The following BACH2 variants were observed in gnomAD, a reference collection of about 807,000 sequenced individuals.
The protein encoded by BACH2 is BACH transcriptional regulator 2.
A neutral mutation model predicts 61.8 loss-of-function variants in BACH2; 5 were observed. The ratio of observed to expected loss-of-function variants is 0.08; its 90% confidence interval spans 0.04 to 0.17. The LOEUF is 0.17. Ranked by LOEUF, BACH2 falls within the 10% of genes least tolerant of loss-of-function variation. BACH2 has a pLI of 1.00. For missense variants in BACH2, 824 were observed against 1,091.1 expected, an observed-to-expected ratio of 0.76 and a Z score of 3.45; for synonymous variants, 446 against 440.1, an observed-to-expected ratio of 1.01 and a Z score of -0.17.
chr6:90,174,914 TA>T (rs1286045664), intron 4 of BACH2, among the ~76,000 whole-genome samples: 3,263 of 128,794 alleles, frequency 0.025, 102 homozygotes, highest in African/African-American at 0.08. Flanking sequence ...GTAGTAAAAC[TA>T]AAAAAAAAAA....
rs542374297 is a variant in BACH2, at chr6:90,273,221, G to C, written c.-445-1280C>G. On this transcript the variant is annotated intron_variant, in intron 1 of 8. Transcript: ENST00000257749. ...TGGGGAAAAAAAATTAGCCAGGCATGGTGGCACACACCTGTAGTCCTGGCT... is the reference window on the plus strand; with the variant it reads ...TGGGGAAAAAAAATTAGCCAGGCATCGTGGCACACACCTGTAGTCCTGGCT... 1.5e-3 allele frequency among the ~76,000 whole-genome samples: 231 copies of C among 152,100 alleles called. 2 individuals are homozygous for C. The highest frequency in any genetic ancestry group is 5.4e-3 in the African/African-American group (225 of 41,482).
Position 90,032,436 on chromosome 6 carries a change from G to A in BACH2, c.-12-23580C>T, listed in dbSNP as rs1242718037. On this transcript the variant is annotated intron_variant, in intron 5 of 8. Transcript: ENST00000257749. Reference sequence around the variant, plus strand: ...GAACAGGCAACCTACAGAATTGGAGGAAATTTTTGTAATCTACTCATCTGA... The same window carrying A: ...GAACAGGCAACCTACAGAATTGGAGAAAATTTTTGTAATCTACTCATCTGA... 1.7e-3 allele frequency among the ~76,000 whole-genome samples: 166 copies of A among 95,996 alleles called. 1 individual carries two copies. The highest frequency in any genetic ancestry group is 5.8e-3 in the East Asian group (6 of 1,042). 63.0% of individuals were successfully genotyped at this position (95,996 alleles called of 152,430 possible).
At chr6:90,285,405 G>A (rs1015816027) in intron 1 of BACH2, among the ~76,000 whole-genome samples, 2 of 152,112 alleles carry the variant, frequency 1.3e-5, no homozygotes, top group East Asian at 1.9e-4. Context: ...TTTCAGTTAC[G>A]CCAAGAAAGC....
chr6:90,141,556 A>G (rs927348808), intron 4 of BACH2, among the ~76,000 whole-genome samples: 21 of 151,590 alleles, frequency 1.4e-4, no homozygotes, highest in Non-Finnish European at 2.9e-5. Flanking sequence ...AGGTAGCCTC[A>G]ATAAATGATC....
intron 5 of BACH2, among the ~76,000 whole-genome samples, chr6:90,079,283 C>T (rs1037857355): frequency 9.2e-5 from 14 of 152,172 alleles, no homozygotes; most frequent in African/African-American, 3.4e-4. Flanking sequence ...CCTTCTCCCT[C>T]CTCCAACCAA....
chr6:89,973,546 AC>A (rs1283021149), intron 6 of BACH2, among the ~76,000 whole-genome samples: 1 of 152,102 alleles, frequency 6.6e-6, no homozygotes, highest in African/African-American at 2.4e-5. Context: ...TCTTTTAAGG[AC>A]CCTTGTAATC....
intron 5 of BACH2, among the ~76,000 whole-genome samples, chr6:90,070,989 T>C (rs984368108): frequency 5.3e-5 from 8 of 152,164 alleles, no homozygotes; most frequent in African/African-American, 1.7e-4. Flanking sequence ...GTTTTTTGTT[T>C]GTTTTTTTGG....
At chr6:90,024,834 C>T (rs1778552197) in intron 5 of BACH2, among the ~76,000 whole-genome samples, 1 of 152,178 alleles carries the variant, frequency 6.6e-6, no homozygotes, top group South Asian at 2.1e-4. Context: ...TCAACTTTCA[C>T]ACATTAATGG....
At position 90,055,505 on chromosome 6, in the gene BACH2, C is replaced by T. The variant is rs1352245369; in HGVS notation, c.-13+33456G>A. 2.0e-5 allele frequency among the ~76,000 whole-genome samples: 3 copies of T among 152,214 alleles called. No individual in the cohort carries two copies. In the South Asian group the frequency reaches 6.2e-4, roughly 32 times the overall value. ...ACCAAATGTACATCTGACTGGTATA[C>T]CTGAAAGTGACGGGGAGAATGGAAC... On this transcript the variant is annotated intron_variant, in intron 5 of 8. Transcript: ENST00000257749.
rs76717268 is a variant in BACH2 at position 90,078,258 on chromosome 6, C to T, written c.-13+10703G>A. Among the ~76,000 whole-genome samples, 895 of 152,156 alleles carry T rather than the reference C, an allele frequency of 5.9e-3. 47 individuals carry two copies. The East Asian group carries it at 0.13, about 22-fold the overall frequency. ...ACAACATTAGCACTCTCTTTCATAA[C>T]GTACACCAGCAGGTACTACAATTAA... On this transcript the variant is annotated intron_variant, in intron 5 of 8. Coordinates refer to ENST00000257749, the MANE Select transcript of BACH2 (RefSeq NM_021813.4).
At chr6:90,081,361 A>G (rs1781714210) in intron 5 of BACH2, among the ~76,000 whole-genome samples, 2 of 152,204 alleles carry the variant, frequency 1.3e-5, no homozygotes. Context: ...TATCCACATT[A>G]GCATCTCCTT....
intron 5 of BACH2, among the ~76,000 whole-genome samples, chr6:90,027,254 A>G (rs548589901): frequency 6.6e-6 from 1 of 152,276 alleles, no homozygotes; most frequent in Non-Finnish European, 1.5e-5. Flanking sequence ...AAGGAATGGG[A>G]GAAAAAGAAT....
chr6:90,118,724 G>T (rs1352310642), intron 4 of BACH2, among the ~76,000 whole-genome samples: 1 of 152,188 alleles, frequency 6.6e-6, no homozygotes, highest in Admixed American at 6.5e-5. Flanking sequence ...CAGGGTCATT[G>T]TAAGTATCTG....
intron 4 of BACH2, among the ~76,000 whole-genome samples, chr6:90,197,162 A>G (rs1251747721): frequency 6.6e-6 from 1 of 152,242 alleles, no homozygotes; most frequent in African/African-American, 2.4e-5. Flanking sequence ...TATTTTACGA[A>G]GACAAAGGAC....
chr6:90,240,359 T>A (rs1358365763), intron 3 of BACH2, among the ~76,000 whole-genome samples: 1 of 152,194 alleles, frequency 6.6e-6, no homozygotes, highest in African/African-American at 2.4e-5. Context: ...ATGTTTCAAG[T>A]AAACTGTCTC....
intron 3 of BACH2, among the ~76,000 whole-genome samples, chr6:90,224,099 C>T (rs1425679459): frequency 6.6e-6 from 1 of 152,206 alleles, no homozygotes; most frequent in African/African-American, 2.4e-5. Flanking sequence ...GAAATTATAA[C>T]AGTTCTTTAG....
In BACH2 at chr6:90,045,925, T is replaced by C. The variant is rs181634800; in HGVS notation, c.-12-37069A>G. ...CATGGACTTTTAAAATTTCCATTCA[T>C]TCCCATAGTCTTACAGGCTTCTCTC... On this transcript the variant is annotated intron_variant, in intron 5 of 8. Coordinates refer to ENST00000257749, the MANE Select transcript of BACH2 (RefSeq NM_021813.4). Among the ~76,000 whole-genome samples, 30 of 152,330 alleles carry C rather than the reference T, an allele frequency of 2.0e-4. No homozygotes were observed. In the East Asian group the frequency reaches 2.7e-3, roughly 14 times the overall value.
rs541959464 is a variant in BACH2, at chr6:90,092,631, CT to C, written c.-161-3523del. 8.6e-4 allele frequency among the ~76,000 whole-genome samples: 131 copies of C among 151,846 alleles called. 1 individual carries two copies. The Middle Eastern group carries it at 0.037, about 43-fold the overall frequency. ...AAGACATACATAAAATATTAGGTAT[CT>C]TTTTTTTAAACTAAACAACTTTGTG... On this transcript the variant is annotated intron_variant, in intron 4 of 8. Coordinates refer to ENST00000257749, the MANE Select transcript of BACH2 (RefSeq NM_021813.4).
At chr6:90,113,601 A>G (rs1224006832) in intron 4 of BACH2, among the ~76,000 whole-genome samples, 1 of 152,142 alleles carries the variant, frequency 6.6e-6, no homozygotes, top group Non-Finnish European at 1.5e-5. Context: ...TTAAGAGGGA[A>G]ATTCATAGCA....
Sources: gnomAD v4.1 joint callset for allele counts (sites outside exome capture counted in the v4.1 genomes callset) on GRCh38, gnomAD v4.1.1 for gene constraint, MANE v1.5 for transcripts, NCBI Gene and HGNC (gene_info 2026-07-23, HGNC 2026-07-21) for gene names.